The following FRAS1 variants were observed in gnomAD, a reference collection of about 807,000 sequenced individuals.
The protein encoded by FRAS1 is Fraser extracellular matrix complex subunit 1.
FRAS1 carries 290 observed loss-of-function variants against 435.2 expected under a neutral mutation model. The observed-to-expected ratio is 0.67, with a 90% CI of 0.61 to 0.73. FRAS1 has a LOEUF of 0.73. Ranked by LOEUF, FRAS1 falls within the 30% of genes least tolerant of loss-of-function variation. FRAS1 has a pLI of 0.00. For missense variants in FRAS1, 4,860 were observed against 5,001.5 expected, an observed-to-expected ratio of 0.97 and a Z score of 0.85; for synonymous variants, 1,800 against 1,851.0, an observed-to-expected ratio of 0.97 and a Z score of 0.71.
chr4:78,253,575 C>A (rs1321769422), intron 5 of FRAS1, among the ~76,000 whole-genome samples: 2 of 152,194 alleles, frequency 1.3e-5, no homozygotes, highest in African/African-American at 4.8e-5. Context: ...TCCCGCAACA[C>A]ATGGCGACAC....
chr4:78,530,079 A>C (rs1721663972), intron 70 of FRAS1, among the ~76,000 whole-genome samples: 1 of 151,936 alleles, frequency 6.6e-6, no homozygotes, highest in Admixed American at 6.6e-5. Flanking sequence ...TGCATTAAGG[A>C]ATTCATTGTA....
At position 78,060,949 on chromosome 4, in the gene FRAS1, C is replaced by T. The variant is rs760639582; in HGVS notation, c.76+2864C>T. 5.3e-5 allele frequency among the ~76,000 whole-genome samples: 8 copies of T among 152,056 alleles called. No individual in the cohort carries two copies. In the East Asian group the frequency reaches 5.8e-4, roughly 11 times the overall value. ...GCTGCCTCTGCCCCCTGGCCTCAAGCGATTCTCATGTCTCACCCTCCTGAG... is the reference window on the plus strand; with the variant it reads ...GCTGCCTCTGCCCCCTGGCCTCAAGTGATTCTCATGTCTCACCCTCCTGAG... On this transcript the variant is annotated intron_variant, in intron 1 of 73. Coordinates refer to ENST00000512123, the MANE Select transcript of FRAS1 (RefSeq NM_025074.7).
chr4:78,251,206 C>T (rs1028087280), intron 4 of FRAS1, among the ~76,000 whole-genome samples: 1 of 152,126 alleles, frequency 6.6e-6, no homozygotes, highest in African/African-American at 2.4e-5. Flanking sequence ...CTATGCTGTA[C>T]TAAATTTGAA....
At position 78,507,547 on chromosome 4, in the gene FRAS1, C is replaced by T. The variant is rs758800164; in HGVS notation, c.9443C>T (p.Ala3148Val). 3 of 1,611,614 alleles carry T rather than the reference C, an allele frequency of 1.9e-6. No homozygotes were observed. The highest frequency in any genetic ancestry group is 2.5e-6 in the Non-Finnish European group (3 of 1,179,022). Reference sequence around the variant, plus strand: ...GCAGTTCTTGGGGATGTGACTACTGCCACGGTGACAATTCTAGACCAGGAG... The same window carrying T: ...GCAGTTCTTGGGGATGTGACTACTGTCACGGTGACAATTCTAGACCAGGAG... ...VEAVLGDVTT[A>V]TVTILDQEAA... Residue 3148 changes from alanine to valine, a missense_variant, in exon 62 of 74, where the codon GCC becomes GTC. By Grantham distance (64) the Ala-to-Val change is moderately conservative. Coordinates refer to ENST00000512123, the MANE Select transcript of FRAS1 (RefSeq NM_025074.7).
intron 19 of FRAS1, among the ~76,000 whole-genome samples, chr4:78,337,085 A>G (rs1730199275): frequency 6.6e-6 from 1 of 152,214 alleles, no homozygotes; most frequent in Non-Finnish European, 1.5e-5. Flanking sequence ...GAGGCAGCTC[A>G]CGATAACCTC....
intron 72 of FRAS1, among the ~76,000 whole-genome samples, chr4:78,537,780 A>G (rs1484852956): frequency 2.6e-5 from 4 of 152,000 alleles, no homozygotes; most frequent in African/African-American, 9.7e-5. Flanking sequence ...CCATATCTAC[A>G]AAAAAATATT....
At chr4:78,333,197 A>G (rs907038443) in intron 18 of FRAS1, 75 bp from the exon 19 acceptor site, 2 of 1,499,726 alleles carry the variant, frequency 1.3e-6, no homozygotes, top group Non-Finnish European at 1.8e-6. Flanking sequence ...AGGAATGTTA[A>G]TGGGAGAGAT....
intron 54 of FRAS1, 60 bp from the exon 55 acceptor site, chr4:78,477,755 G>A: frequency 6.4e-7 from 1 of 1,563,784 alleles, no homozygotes; most frequent in African/African-American, 1.3e-5. Context: ...GATGCCCTGG[G>A]GAAGCAGAGC....
intron 10 of FRAS1, among the ~76,000 whole-genome samples, chr4:78,280,322 G>A (rs925204419): frequency 3.3e-5 from 5 of 152,278 alleles, no homozygotes; most frequent in East Asian, 1.9e-4. Flanking sequence ...AATAACTGGC[G>A]GGTGGCATCT....
intron 49 of FRAS1, 138 bp downstream of exon 49, chr4:78,464,721 C>T: frequency 1.2e-6 from 1 of 859,902 alleles, no homozygotes; most frequent in Non-Finnish European, 1.7e-6. Flanking sequence ...GATTAAAATA[C>T]AGAAGATACC....
At chr4:78,249,046 C>CATA (rs1725388139) in intron 4 of FRAS1, among the ~76,000 whole-genome samples, 1 of 27,174 alleles carries the variant, frequency 3.7e-5, no homozygotes, top group African/African-American at 8.3e-5. Flanking sequence ...TGAAGAACTA[C>CATA]TGATATATAT....
intron 2 of FRAS1, among the ~76,000 whole-genome samples, chr4:78,193,027 T>C (rs924439462): frequency 3.3e-5 from 5 of 152,244 alleles, no homozygotes; most frequent in Admixed American, 2.0e-4. Context: ...CATTTCGTTA[T>C]GTACCCAGCA....
At chr4:78,416,812 G>A (rs1349717732) in intron 32 of FRAS1, among the ~76,000 whole-genome samples, 1 of 152,200 alleles carries the variant, frequency 6.6e-6, no homozygotes, top group Non-Finnish European at 1.5e-5. Flanking sequence ...TGTGCTGAAA[G>A]GGAGTGTAGG....
Position 78,452,303 on chromosome 4 carries a change from A to G in FRAS1, c.6712A>G (p.Arg2238Gly). ...CAGTGGGCCTACAGAATTGATCTAC[A>G]GAATCACCAGACAGCCCCAGCTGGG... The part of the protein sequence containing the change: ...QDSGPTELIY[R>G]ITRQPQLGHL... Residue 2238 changes from arginine to glycine, a missense_variant, in exon 47 of 74, where the codon AGA becomes GGA. Coordinates refer to ENST00000512123, the MANE Select transcript of FRAS1 (RefSeq NM_025074.7). The G allele has an allele frequency of 6.2e-7, 1 of 1,612,552 alleles. No individual in the cohort carries two copies. The highest frequency in any genetic ancestry group is 8.5e-7 in the Non-Finnish European group (1 of 1,179,554).
chr4:78,417,684 G>A (rs895171542), intron 32 of FRAS1, among the ~76,000 whole-genome samples: 4 of 152,090 alleles, frequency 2.6e-5, no homozygotes, highest in African/African-American at 4.8e-5. Flanking sequence ...GGACAAATAC[G>A]CCTTGGGGAC....
At chr4:78,438,304 G>T (rs1262463721) in intron 38 of FRAS1, among the ~76,000 whole-genome samples, 1 of 152,098 alleles carries the variant, frequency 6.6e-6, no homozygotes, top group Admixed American at 6.6e-5. Flanking sequence ...GAATCTCTTT[G>T]TTTTATGCCA....
chr4:78,451,308 A>G (rs907414487), intron 45 of FRAS1, among the ~76,000 whole-genome samples: 8 of 152,190 alleles, frequency 5.3e-5, no homozygotes, highest in Non-Finnish European at 8.8e-5. Flanking sequence ...GCTATAGCCC[A>G]TGTTGCTCCG....
chr4:78,171,727 C>T (rs1181114135), intron 2 of FRAS1, among the ~76,000 whole-genome samples: 1 of 152,164 alleles, frequency 6.6e-6, no homozygotes, highest in Non-Finnish European at 1.5e-5. Context: ...TGAAGCCACC[C>T]TCTCCTGCTG....
At chr4:78,368,901 G>A (rs1258430206) in intron 22 of FRAS1, among the ~76,000 whole-genome samples, 1 of 152,148 alleles carries the variant, frequency 6.6e-6, no homozygotes, top group African/African-American at 2.4e-5. Flanking sequence ...ATGATGGCTG[G>A]AAATTTTCCA....
Sources: allele counts gnomAD v4.1 joint callset (sites outside exome capture counted in the v4.1 genomes callset), GRCh38; gene constraint gnomAD v4.1.1; transcripts MANE v1.5; gene names NCBI Gene and HGNC (gene_info 2026-07-23, HGNC 2026-07-21).